TNR: variants seen among roughly 807,000 people sequenced by gnomAD.
The protein encoded by TNR is tenascin R, also known as tenascin-R.
In TNR, 45 loss-of-function variants were observed where a neutral mutation model predicts 150.4. That is an observed-to-expected ratio of 0.30 (90% CI 0.24 to 0.38). The LOEUF is 0.38. Ranked by LOEUF, TNR falls within the 10% of genes least tolerant of loss-of-function variation. The pLI, the probability that TNR is intolerant of heterozygous loss-of-function variation, is 1.00. For synonymous variants in TNR, 687 were observed against 678.4 expected (o/e 1.01, Z -0.20); for missense variants, 1,544 against 1,759.1 (o/e 0.88, Z 2.19).
At chr1:175,334,292 T>C (rs1650110705) in intron 20 of TNR, among the ~76,000 whole-genome samples, 1 of 152,184 alleles carries the variant, frequency 6.6e-6, no homozygotes, top group Non-Finnish European at 1.5e-5. Context: ...GGGAGGAATT[T>C]AGTTTATAGT....
chr1:175,692,747 C>T (rs1372008463), intron 1 of TNR, among the ~76,000 whole-genome samples: 1 of 152,134 alleles, frequency 6.6e-6, no homozygotes, highest in Non-Finnish European at 1.5e-5. Flanking sequence ...GAGTCATGAA[C>T]TTCACAGGCC....
chr1:175,577,759 G>T (rs1269874293), intron 1 of TNR, among the ~76,000 whole-genome samples: 1 of 152,258 alleles, frequency 6.6e-6, no homozygotes, highest in South Asian at 2.1e-4. Flanking sequence ...CACTGTATTT[G>T]ATGGTCCAGC....
intron 2 of TNR, among the ~76,000 whole-genome samples, chr1:175,462,934 A>G (rs73044438): frequency 0.016 from 2,400 of 152,322 alleles, 56 homozygotes; most frequent in African/African-American, 0.055. Flanking sequence ...CTGCCTTGCC[A>G]ATAAGATACT....
chr1:175,541,261 G>T (rs1038968874), intron 1 of TNR, among the ~76,000 whole-genome samples: 25 of 152,322 alleles, frequency 1.6e-4, no homozygotes, highest in South Asian at 8.3e-4. Flanking sequence ...TCAGCACCCA[G>T]CTTTAGCTTG....
At chr1:175,342,660 T>G (rs1457134123) in intron 18 of TNR, among the ~76,000 whole-genome samples, 1 of 152,144 alleles carries the variant, frequency 6.6e-6, no homozygotes, top group Middle Eastern at 3.2e-3. Context: ...AGAGTGACAA[T>G]AGCCTTTAAG....
At chr1:175,487,828 A>G (rs1235851526) in intron 2 of TNR, among the ~76,000 whole-genome samples, 4 of 152,140 alleles carry the variant, frequency 2.6e-5, no homozygotes, top group Non-Finnish European at 5.9e-5. Flanking sequence ...TGGAATTGTT[A>G]TTTTAGTTAT....
chr1:175,550,544 C>A (rs2102199215), intron 1 of TNR, among the ~76,000 whole-genome samples: 1 of 151,160 alleles, frequency 6.6e-6, no homozygotes, highest in African/African-American at 2.4e-5. Context: ...GGGAAGGAGA[C>A]TGGAACAATG....
At chr1:175,581,598 T>C (rs1329454288) in intron 1 of TNR, among the ~76,000 whole-genome samples, 2 of 152,208 alleles carry the variant, frequency 1.3e-5, no homozygotes, top group African/African-American at 4.8e-5. Context: ...GTTCTGATCT[T>C]CTTGAACTTC....
intron 1 of TNR, among the ~76,000 whole-genome samples, chr1:175,591,275 G>C (rs939261932): frequency 6.6e-6 from 1 of 152,110 alleles, no homozygotes; most frequent in African/African-American, 2.4e-5. Context: ...TGTGTCCCTG[G>C]GACATAATCC....
chr1:175,342,126 A>G (rs1025207076), intron 18 of TNR, among the ~76,000 whole-genome samples: 3 of 152,266 alleles, frequency 2.0e-5, no homozygotes, highest in African/African-American at 7.2e-5. Flanking sequence ...AGACACAGTC[A>G]CAACCTTTCA....
intron 1 of TNR, among the ~76,000 whole-genome samples, chr1:175,625,305 A>G (rs1664114261): frequency 2.0e-5 from 3 of 152,238 alleles, no homozygotes; most frequent in African/African-American, 7.2e-5. Context: ...GAAACAGAAT[A>G]TCATGAACGC....
At chr1:175,556,216 A>G (rs1239448305) in intron 1 of TNR, among the ~76,000 whole-genome samples, 1 of 152,152 alleles carries the variant, frequency 6.6e-6, no homozygotes, top group Non-Finnish European at 1.5e-5. Flanking sequence ...TTGCCTTTTG[A>G]TTCTTTTCCA....
chr1:175,620,502 G>C (rs1350111759), intron 1 of TNR, among the ~76,000 whole-genome samples: 2 of 152,166 alleles, frequency 1.3e-5, no homozygotes, highest in African/African-American at 4.8e-5. Context: ...CCAAGTTCTG[G>C]AGGCTTTCCA....
intron 1 of TNR, among the ~76,000 whole-genome samples, chr1:175,586,832 A>G (rs1662595002): frequency 6.6e-6 from 1 of 152,224 alleles, no homozygotes; most frequent in African/African-American, 2.4e-5. Flanking sequence ...TATGGCTGAA[A>G]CAATGTGAAG....
chr1:175,466,532 C>T (rs944902917), intron 2 of TNR, among the ~76,000 whole-genome samples: 5 of 152,210 alleles, frequency 3.3e-5, no homozygotes, highest in Non-Finnish European at 7.3e-5. Context: ...GAAGTCCTGG[C>T]CCTGGATCTC....
chr1:175,410,557 C>A (rs1026325748), intron 2 of TNR, among the ~76,000 whole-genome samples: 2 of 152,168 alleles, frequency 1.3e-5, no homozygotes, highest in African/African-American at 4.8e-5. Context: ...CCATCAGTGT[C>A]GTTTGCCAAA....
chr1:175,369,470 C>A (rs1212941980), intron 9 of TNR, among the ~76,000 whole-genome samples: 3 of 152,192 alleles, frequency 2.0e-5, no homozygotes, highest in African/African-American at 7.2e-5. Context: ...TATAAACACA[C>A]CAGTCACATT....
rs180987865 is a variant in TNR at position 175,402,409 on chromosome 1, A to G, written c.976+731T>C. Among the ~76,000 whole-genome samples, 392 of 148,906 alleles carry G rather than the reference A, an allele frequency of 2.6e-3. 1 individual carries two copies. The highest frequency in any genetic ancestry group is 9.5e-3 in the African/African-American group (381 of 40,256). On this transcript the variant is annotated intron_variant, in intron 4 of 22. Transcript: ENST00000367674. ...TGGGTTTAGATCCCCATTTTAGTAC[A>G]TCATCCTTCTATCAGCTTTGACAGT...
At position 175,315,812 on chromosome 1, in the gene TNR, A is replaced by ATG. The variant is rs3030866; in HGVS notation, c.*7543_*7544dup. 0.095 allele frequency: 13,975 copies of ATG among 146,848 alleles called. 664 individuals carry two copies. The highest frequency in any genetic ancestry group is 0.14 in the Admixed American group (2,051 of 14,766). The allele number at this position is 146,848 out of a possible 1,614,324, so 9.1% of individuals were successfully genotyped here. A position where few individuals can be genotyped will look rare whatever the true frequency, so the allele number is the denominator to read the frequency against. On this transcript the variant is annotated 3_prime_UTR_variant, in exon 23 of 23. Coordinates refer to ENST00000367674, the MANE Select transcript of TNR (RefSeq NM_003285.3). The stretch of plus-strand genomic sequence containing the variant: ...TGTGTGCATGCATGTGTGTGTGTGC[A>ATG]TGTGTGTGTGTGTGTGTGTGTGTGT...
Sources: gnomAD v4.1 joint callset for allele counts (sites outside exome capture counted in the v4.1 genomes callset) on GRCh38, gnomAD v4.1.1 for gene constraint, MANE v1.5 for transcripts, NCBI Gene and HGNC (gene_info 2026-07-23, HGNC 2026-07-21) for gene names.